The following FAT3 variants were observed in gnomAD, a reference collection of about 807,000 sequenced individuals.
FAT3 encodes protocadherin Fat 3.
In FAT3, 95 loss-of-function variants were observed where a neutral mutation model predicts 310.2. The ratio of observed to expected loss-of-function variants is 0.31; its 90% CI spans 0.26 to 0.36. The LOEUF is 0.36. FAT3 is among the 10% of genes least tolerant of loss of function. The pLI is 1.00. For synonymous variants in FAT3, 2,314 were observed against 2,192.9 expected (o/e 1.06, Z -1.54); for missense variants, 5,408 against 5,715.6 (o/e 0.95, Z 1.74).
chr11:92,460,049 G>A (rs1030650295), intron 2 of FAT3, among the ~76,000 whole-genome samples: 9 of 152,068 alleles, frequency 5.9e-5, no homozygotes, highest in African/African-American at 1.9e-4. Context: ...TTATTAGCCA[G>A]CTTTAAAAAG....
At chr11:92,754,189 C>G (rs532628856) in intron 4 of FAT3, among the ~76,000 whole-genome samples, 1 of 151,872 alleles carries the variant, frequency 6.6e-6, no homozygotes, top group East Asian at 1.9e-4. Context: ...TATATAAAAA[C>G]AAGAAAAGAA....
intron 22 of FAT3, among the ~76,000 whole-genome samples, chr11:92,867,477 C>T (rs368837979): frequency 1.1e-4 from 17 of 152,320 alleles, no homozygotes; most frequent in African/African-American, 3.8e-4. Flanking sequence ...TCTGCCCACT[C>T]CCCTGTCCAA....
At position 92,681,034 on chromosome 11, in the gene FAT3, A is replaced by G. The variant is rs377721278; in HGVS notation, c.3608-16350A>G. On this transcript the variant is annotated intron_variant, in intron 3 of 27. Coordinates refer to ENST00000525166, the MANE Select transcript of FAT3 (RefSeq NM_001367949.2). The stretch of plus-strand genomic sequence containing the variant: ...TTAAATGCAAGGACAGGAGGGCTTC[A>G]GCAATGTTTGGAAGTATTTTTTATA... Among the ~76,000 whole-genome samples, 152 of 152,380 alleles carry G rather than the reference A, an allele frequency of 1.0e-3. 1 individual carries two copies. The South Asian group carries it at 0.02, about 20-fold the overall frequency.
chr11:92,573,029 A>G (rs917420910), intron 3 of FAT3, among the ~76,000 whole-genome samples: 2 of 152,160 alleles, frequency 1.3e-5, no homozygotes, highest in African/African-American at 4.8e-5. Flanking sequence ...TTTATCTTCT[A>G]TCTCCTATTC....
intron 17 of FAT3, among the ~76,000 whole-genome samples, chr11:92,838,403 C>A (rs114407633): frequency 1.9e-3 from 295 of 152,306 alleles, no homozygotes; most frequent in African/African-American, 6.9e-3. Context: ...GATAGAGTAA[C>A]TTACTGCTGG....
intron 3 of FAT3, among the ~76,000 whole-genome samples, chr11:92,657,747 G>C (rs930913659): frequency 6.6e-6 from 1 of 152,158 alleles, no homozygotes; most frequent in Non-Finnish European, 1.5e-5. Context: ...TGCTAAGAAC[G>C]GGTTGATGAA....
At chr11:92,255,346 A>T (rs779963542) in intron 1 of FAT3, among the ~76,000 whole-genome samples, 2,490 of 151,430 alleles carry the variant, frequency 0.016, 41 homozygotes, top group South Asian at 0.033. Flanking sequence ...TTTTTTAAAA[A>T]AAAAAAAAAG....
intron 1 of FAT3, among the ~76,000 whole-genome samples, chr11:92,287,576 T>C (rs2608778): frequency 0.7 from 106,321 of 152,068 alleles, 37,385 homozygotes; most frequent in African/African-American, 0.77. Flanking sequence ...AGTAGAGTTG[T>C]AGGCAGCAAT....
At chr11:92,815,714 A>T (rs910042390) in intron 13 of FAT3, among the ~76,000 whole-genome samples, 1 of 152,258 alleles carries the variant, frequency 6.6e-6, no homozygotes, top group Non-Finnish European at 1.5e-5. Flanking sequence ...CATGGGCACC[A>T]GGTGAAGGTG....
chr11:92,842,714 CAAAAA>C (rs1948582761), intron 18 of FAT3, among the ~76,000 whole-genome samples: 1 of 151,538 alleles, frequency 6.6e-6, no homozygotes, highest in African/African-American at 2.4e-5. Flanking sequence ...TCTACAAAAA[CAAAAA>C]CAAAAAAAAA....
chr11:92,845,527 G>A (rs1254797372), intron 19 of FAT3, among the ~76,000 whole-genome samples: 2 of 152,194 alleles, frequency 1.3e-5, no homozygotes, highest in Non-Finnish European at 2.9e-5. Context: ...CATGTTTGTT[G>A]ATGTAACTGG....
chr11:92,625,167 G>C (rs538493976), intron 3 of FAT3, among the ~76,000 whole-genome samples: 1 of 152,254 alleles, frequency 6.6e-6, no homozygotes, highest in South Asian at 2.1e-4. Flanking sequence ...GGATGAAATT[G>C]GTTTCATGCT....
At chr11:92,853,135 G>A (rs1948876111) in intron 19 of FAT3, among the ~76,000 whole-genome samples, 1 of 152,240 alleles carries the variant, frequency 6.6e-6, no homozygotes, top group Non-Finnish European at 1.5e-5. Flanking sequence ...GGAGTAGTGA[G>A]GGGTGTGTGG....
intron 4 of FAT3, among the ~76,000 whole-genome samples, chr11:92,731,899 T>C (rs1189549368): frequency 6.6e-6 from 1 of 152,190 alleles, no homozygotes; most frequent in African/African-American, 2.4e-5. Flanking sequence ...CCTAACATAA[T>C]GACAACACAT....
At chr11:92,856,948 G>T (rs948695251) in intron 19 of FAT3, among the ~76,000 whole-genome samples, 1 of 152,180 alleles carries the variant, frequency 6.6e-6, no homozygotes, top group Non-Finnish European at 1.5e-5. Context: ...CCTAAAACAA[G>T]GAGCTCTGTT....
chr11:92,327,683 C>A (rs2134520128), intron 1 of FAT3, among the ~76,000 whole-genome samples: 1 of 152,288 alleles, frequency 6.6e-6, no homozygotes, highest in East Asian at 1.9e-4. Context: ...GCAGCAGCAA[C>A]CCTTTCAGTA....
chr11:92,645,154 A>G (rs930268859), intron 3 of FAT3, among the ~76,000 whole-genome samples: 1 of 152,242 alleles, frequency 6.6e-6, no homozygotes, highest in Admixed American at 6.5e-5. Context: ...AAGATAAAAA[A>G]CATAATTGCA....
At chr11:92,809,593 G>A (rs977062402) in intron 12 of FAT3, among the ~76,000 whole-genome samples, 1 of 152,104 alleles carries the variant, frequency 6.6e-6, no homozygotes, top group African/African-American at 2.4e-5. Context: ...CCTTATACCA[G>A]CGGTTTCAAA....
intron 3 of FAT3, among the ~76,000 whole-genome samples, chr11:92,544,868 T>C (rs1954567256): frequency 6.6e-6 from 1 of 152,192 alleles, no homozygotes; most frequent in Non-Finnish European, 1.5e-5. Flanking sequence ...TCTAACAGGT[T>C]TTGAGACTTA....
Sources: gnomAD v4.1 joint callset for allele counts (sites outside exome capture counted in the v4.1 genomes callset) on GRCh38, gnomAD v4.1.1 for gene constraint, MANE v1.5 for transcripts, NCBI Gene and HGNC (gene_info 2026-07-23, HGNC 2026-07-21) for gene names.